SHLD1: variants seen among roughly 807,000 people sequenced by gnomAD.
The protein encoded by SHLD1 is RINN1-REV7-interacting novel NHEJ regulator 3.
SHLD1 carries 3 observed loss-of-function variants against 5.5 expected under a neutral mutation model. The observed-to-expected ratio is 0.54, with a 90% CI of 0.25 to 1.40. The LOEUF (loss-of-function observed/expected upper bound fraction) is 1.40. SHLD1 is among the 40% of genes most tolerant of loss of function. The probability of loss-of-function intolerance (pLI) is 0.15; values close to 1 mark genes in which losing one functional copy is unlikely to be tolerated. For synonymous variants in SHLD1, 92 were observed against 94.3 expected, an observed-to-expected ratio of 0.98 and a Z score of 0.14; for missense variants, 210 against 244.4, an observed-to-expected ratio of 0.86 and a Z score of 0.94.
chr20:5,847,895 C>T (rs984068531), intron 2 of SHLD1, among the ~76,000 whole-genome samples: 3 of 152,050 alleles, frequency 2.0e-5, no homozygotes, highest in African/African-American at 4.8e-5. Flanking sequence ...GATGTATTTC[C>T]GGAGAAAGTC....
chr20:5,760,876 C>T (rs1222321766), intron 1 of SHLD1, among the ~76,000 whole-genome samples: 1 of 151,976 alleles, frequency 6.6e-6, no homozygotes, highest in Non-Finnish European at 1.5e-5. Flanking sequence ...CAGGTTGACA[C>T]TTGTTCACCT....
At chr20:5,750,513 T>TGGGGGGGGGG (rs1983680237) in intron 1 of SHLD1, 34 bp downstream of exon 1, 2 of 23,288 alleles carry the variant, frequency 8.6e-5, no homozygotes, top group Admixed American at 5.2e-4. Context: ...GGGGTTGGAG[T>TGGGGGGGGGG]GGTGGGGGCG....
At position 5,863,547 on chromosome 20, in the gene SHLD1, T is replaced by C; in HGVS notation, c.*84T>C. 2.2e-6 allele frequency: 3 copies of C among 1,362,402 alleles called. No homozygotes were observed. The highest frequency in any genetic ancestry group is 3.0e-6 in the Non-Finnish European group (3 of 995,660). The allele number at this position is 1,362,402 out of a possible 1,614,324, so 84.4% of individuals were successfully genotyped here. A position where few individuals can be genotyped will look rare whatever the true frequency, so the allele number is the denominator to read the frequency against. ...TGGTGGCCACCCAGATCCCCTAGGG[T>C]CTCTGGCCAGCTCTGTGTGCCCAAT... On this transcript the variant is annotated 3_prime_UTR_variant, in exon 3 of 3. Transcript: ENST00000303142.
intron 2 of SHLD1, among the ~76,000 whole-genome samples, chr20:5,832,952 G>C (rs908564256): frequency 1.3e-5 from 2 of 152,132 alleles, no homozygotes; most frequent in Non-Finnish European, 2.9e-5. Context: ...CAGGTAGAGG[G>C]TATCTGAGCA....
intron 1 of SHLD1, among the ~76,000 whole-genome samples, chr20:5,772,606 G>A (rs1046208530): frequency 1.3e-5 from 2 of 152,110 alleles, no homozygotes; most frequent in African/African-American, 2.4e-5. Context: ...TGATTTCACT[G>A]TTGTTTGACC....
chr20:5,812,273 C>G (rs1475405369), intron 2 of SHLD1, among the ~76,000 whole-genome samples: 1 of 151,854 alleles, frequency 6.6e-6, no homozygotes, highest in South Asian at 2.1e-4. Context: ...GTGTTTTTTT[C>G]TCACGTATCC....
intron 1 of SHLD1, among the ~76,000 whole-genome samples, chr20:5,764,575 T>A (rs996049459): frequency 6.7e-6 from 1 of 149,404 alleles, no homozygotes; most frequent in Non-Finnish European, 1.5e-5. Context: ...GTCTCATGCC[T>A]GCAGTCCCAA....
At chr20:5,853,159 CAA>C (rs1261920723) in intron 2 of SHLD1, among the ~76,000 whole-genome samples, 1 of 152,232 alleles carries the variant, frequency 6.6e-6, no homozygotes, top group East Asian at 1.9e-4. Flanking sequence ...CAGCAGGTAA[CAA>C]GAGAGACAAA....
At chr20:5,793,093 G>C (rs542462859) in intron 2 of SHLD1, among the ~76,000 whole-genome samples, 1 of 152,120 alleles carries the variant, frequency 6.6e-6, no homozygotes, top group Non-Finnish European at 1.5e-5. Flanking sequence ...GAGCATATAC[G>C]TAAGGGTTTA....
At chr20:5,755,377 C>T (rs1480673106) in intron 1 of SHLD1, among the ~76,000 whole-genome samples, 3 of 152,016 alleles carry the variant, frequency 2.0e-5, no homozygotes, top group Non-Finnish European at 2.9e-5. Flanking sequence ...ACTGCACATG[C>T]AAGGGATCTA....
intron 2 of SHLD1, among the ~76,000 whole-genome samples, chr20:5,841,410 G>A (rs6116967): frequency 6.6e-6 from 1 of 152,142 alleles, no homozygotes. Flanking sequence ...GGCCCCATTA[G>A]GAGCTAAAGC....
At position 5,863,060 on chromosome 20, in the gene SHLD1, G is replaced by T; in HGVS notation, c.215G>T (p.Trp72Leu). ...SNLNIEQNNS[W>L]TAENFWLDPA... ...TTAAATATAGAACAAAATAACTCCT[G>T]GACCGCTGAGAACTTCTGGCTTGAC... Residue 72 changes from tryptophan (W) to leucine (L), a missense_variant, in exon 3 of 3, where the codon TGG (tryptophan) becomes TTG (leucine). By Grantham distance (61) the Trp-to-Leu change is moderately conservative. Transcript: ENST00000303142. The T allele has an allele frequency of 6.2e-7, 1 of 1,613,134 alleles. No homozygotes were observed. The highest frequency in any genetic ancestry group is 1.7e-5 in the Admixed American group (1 of 59,836).
chr20:5,771,313 A>G (rs1985140187), intron 1 of SHLD1, among the ~76,000 whole-genome samples: 1 of 152,128 alleles, frequency 6.6e-6, no homozygotes, highest in South Asian at 2.1e-4. Flanking sequence ...TCCTTAATCT[A>G]CTTCTTCAAG....
At position 5,771,436 on chromosome 20, in the gene SHLD1, C is replaced by G. The variant is rs115835394; in HGVS notation, c.-4-1426C>G. On this transcript the variant is annotated intron_variant, in intron 1 of 2. Coordinates refer to ENST00000303142, the MANE Select transcript of SHLD1 (RefSeq NM_152504.4). ...AATCTGTGTAACTGTCCCTTACTTG[C>G]AGTAAATGGCTTGGTGTCACTTGTT... 8.4e-3 allele frequency among the ~76,000 whole-genome samples: 1,274 copies of G among 152,288 alleles called. 21 individuals are homozygous for G. Among genetic ancestry groups the G allele is most frequent in the African/African-American group, 0.029 (1,213 of 41,548 alleles).
rs974682794 is a variant in SHLD1, at chr20:5,806,307, TG to T, written c.178+33266del. Among the ~76,000 whole-genome samples the T allele has an allele frequency of 9.2e-5, 14 of 152,374 alleles. No homozygotes were observed. Among genetic ancestry groups the T allele is most frequent in the African/African-American group, 3.4e-4 (14 of 41,592 alleles). ...AACTGTTGCTTACGCATCATGCTAT[TG>T]GTCCACAGTATATGGATTTGTGGAT... On this transcript the variant is annotated intron_variant, in intron 2 of 2. Coordinates refer to ENST00000303142, the MANE Select transcript of SHLD1 (RefSeq NM_152504.4). The surrounding 1 kb of genome is among the most constrained non-coding windows in gnomAD (Gnocchi z 7.6).
chr20:5,854,894 G>A (rs2088062440), intron 2 of SHLD1, among the ~76,000 whole-genome samples: 1 of 71,556 alleles, frequency 1.4e-5, no homozygotes, highest in Non-Finnish European at 2.4e-5. Context: ...TAAGAGACAG[G>A]TCTTGTGCAG....
At chr20:5,759,117 G>A (rs1984311732) in intron 1 of SHLD1, among the ~76,000 whole-genome samples, 1 of 151,652 alleles carries the variant, frequency 6.6e-6, no homozygotes, top group Admixed American at 6.6e-5. Context: ...ACCACGCCCA[G>A]CTAATTTTTT....
At chr20:5,790,874 C>T (rs1325865143) in intron 2 of SHLD1, among the ~76,000 whole-genome samples, 1 of 152,150 alleles carries the variant, frequency 6.6e-6, no homozygotes, top group South Asian at 2.1e-4. Context: ...TGAAAAAAGA[C>T]AGTCATGGCT....
At chr20:5,769,919 G>A (rs797011154) in intron 1 of SHLD1, among the ~76,000 whole-genome samples, 4 of 147,738 alleles carry the variant, frequency 2.7e-5, no homozygotes, top group African/African-American at 1.0e-4. Flanking sequence ...CAGGAGAATC[G>A]CTTGAACCCA....
Sources: allele counts gnomAD v4.1 joint callset (sites outside exome capture counted in the v4.1 genomes callset), GRCh38; gene constraint gnomAD v4.1.1; non-coding constraint Gnocchi (gnomAD v3.1); transcripts MANE v1.5; gene names NCBI Gene and HGNC (gene_info 2026-07-23, HGNC 2026-07-21).